Variants in HBS1L observed in about 807,000 individuals in gnomAD.
HBS1L encodes the protein HBS1 like translational GTPase.
HBS1L carries 55 observed loss-of-function variants against 88.9 expected under a neutral mutation model. The observed-to-expected ratio is 0.62, with a 90% confidence interval of 0.50 to 0.77. The LOEUF (loss-of-function observed/expected upper bound fraction) is 0.77. Among genes scored for constraint, HBS1L ranks in the 30% least tolerant of loss-of-function variants. The pLI, the probability that HBS1L is intolerant of heterozygous loss-of-function variation, is 0.00. For missense variants in HBS1L, 741 were observed against 829.3 expected, an observed-to-expected ratio of 0.89 and a Z score of 1.31; for synonymous variants, 267 against 288.5, an observed-to-expected ratio of 0.93 and a Z score of 0.76.
At chr6:134,998,746 C>T (rs138025299) in intron 5 of HBS1L, among the ~76,000 whole-genome samples, 8 of 152,298 alleles carry the variant, frequency 5.3e-5, no homozygotes, top group African/African-American at 1.7e-4. Context: ...CTTCACAATA[C>T]GCCTCAGGAA....
rs964802131 is a variant in HBS1L, at chr6:134,961,620, A to G, written c.*3659T>C. 2 of 152,194 alleles carry G rather than the reference A, an allele frequency of 1.3e-5. No individual in the cohort carries two copies. The highest frequency in any genetic ancestry group is 4.8e-5 in the African/African-American group (2 of 41,442). The allele number at this position is 152,194 out of a possible 1,614,324, so 9.4% of individuals were successfully genotyped here. A position where few individuals can be genotyped will look rare whatever the true frequency, so the allele number is the denominator to read the frequency against. On this transcript the variant is annotated 3_prime_UTR_variant, in exon 18 of 18. Coordinates refer to ENST00000367837, the MANE Select transcript of HBS1L (RefSeq NM_006620.4). ...CTTTCCTCCCACCCACAACATAAAA[A>G]TTAAGATACCCAGTTGCAAAATCAC...
At position 135,054,765 on chromosome 6, in the gene HBS1L, C is replaced by T; in HGVS notation, c.-74G>A. On this transcript the variant is annotated 5_prime_UTR_variant, in exon 1 of 18. An upstream open reading frame in the 5' UTR gains an earlier in-frame stop. Coordinates refer to ENST00000367837, the MANE Select transcript of HBS1L (RefSeq NM_006620.4). ...CTCCGCTTAGATACTGATAAGGCGC[C>T]AACTGCAGCCTGGAGAACCCCTATG... The T allele has an allele frequency of 1.3e-6, 2 of 1,565,624 alleles. No individual in the cohort carries two copies. The highest frequency in any genetic ancestry group is 1.8e-6 in the Non-Finnish European group (2 of 1,142,206).
chr6:135,054,062 C>T (rs535526631), intron 1 of HBS1L, among the ~76,000 whole-genome samples: 1 of 152,320 alleles, frequency 6.6e-6, no homozygotes, highest in South Asian at 2.1e-4. Flanking sequence ...TCGACTCATT[C>T]TTTGGGCCTT....
At chr6:134,971,004 C>T (rs1429182195) in intron 15 of HBS1L, among the ~76,000 whole-genome samples, 1 of 151,936 alleles carries the variant, frequency 6.6e-6, no homozygotes, top group Non-Finnish European at 1.5e-5. Flanking sequence ...CTGGAATTTC[C>T]TAGCCAAAAT....
In HBS1L at chr6:134,961,994, T is replaced by C. The variant is rs983646384; in HGVS notation, c.*3285A>G. 2 of 152,140 alleles carry C rather than the reference T, an allele frequency of 1.3e-5. No individual in the cohort carries two copies. The highest frequency in any genetic ancestry group is 4.8e-5 in the African/African-American group (2 of 41,438). 9.4% of individuals were successfully genotyped at this position (152,140 alleles called of 1,614,324 possible). On this transcript the variant is annotated 3_prime_UTR_variant, in exon 18 of 18. Transcript: ENST00000367837. ...CTCTTTATGATACCCTGTCCCCTGG[T>C]TGGACTATCAGCCCTATTAAGACTC...
chr6:135,014,481 A>C lies in HBS1L; in HGVS notation c.431-11639T>G, dbSNP rs1775861331. Among the ~76,000 whole-genome samples, 7 of 152,334 alleles carry C rather than the reference A, an allele frequency of 4.6e-5. No individual in the cohort carries two copies. In the South Asian group the frequency reaches 1.4e-3, roughly 32 times the overall value. ...CAGTACGATAAGATGAAACGAAAAA[A>C]AGAGACAGAGAAATTAAGATAAGTT... On this transcript the variant is annotated intron_variant, in intron 4 of 17. Coordinates refer to ENST00000367837, the MANE Select transcript of HBS1L (RefSeq NM_006620.4).
chr6:134,960,418 T>C lies in HBS1L; in HGVS notation c.*4861A>G, dbSNP rs547713669. On this transcript the variant is annotated 3_prime_UTR_variant, in exon 18 of 18. Transcript: ENST00000367837. ...CTATTTAAGTCCTCTATGACCTTGTTTGTTTACATGATCTATAAGGCAGAG... is the reference window on the plus strand; with the variant it reads ...CTATTTAAGTCCTCTATGACCTTGTCTGTTTACATGATCTATAAGGCAGAG... 13 of 152,314 alleles carry C rather than the reference T, an allele frequency of 8.5e-5. No individual in the cohort carries two copies. Among genetic ancestry groups the C allele is most frequent in the Admixed American group, 1.3e-4 (2 of 15,306 alleles). 9.4% of individuals were successfully genotyped at this position (152,314 alleles called of 1,614,324 possible).
chr6:135,035,509 G>GGCGGGC (rs1376929892), intron 4 of HBS1L, among the ~76,000 whole-genome samples: 4 of 151,138 alleles, frequency 2.6e-5, no homozygotes, highest in African/African-American at 9.7e-5. Context: ...GGGAGGCCAA[G>GGCGGGC]GCGGGCGGAT....
At chr6:135,037,658 CAT>C in intron 4 of HBS1L, 11 of 1,550,062 alleles carry the variant, frequency 7.1e-6, no homozygotes, top group Non-Finnish European at 9.6e-6. Flanking sequence ...CATTCAGATG[CAT>C]GAGGTCTCAA....
At chr6:134,997,990 T>C (rs796070299) in intron 5 of HBS1L, among the ~76,000 whole-genome samples, 5 of 152,354 alleles carry the variant, frequency 3.3e-5, no homozygotes, top group African/African-American at 9.6e-5. Context: ...GGAGATATTT[T>C]GTAAAATTGG....
chr6:135,051,291 A>AT (rs1777076412), intron 1 of HBS1L, among the ~76,000 whole-genome samples: 1 of 152,220 alleles, frequency 6.6e-6, no homozygotes. Flanking sequence ...AAAATCTGAA[A>AT]TAAACCATTT....
At chr6:134,972,623 C>A (rs1328155766) in intron 15 of HBS1L, among the ~76,000 whole-genome samples, 2 of 151,988 alleles carry the variant, frequency 1.3e-5, no homozygotes, top group African/African-American at 4.8e-5. Flanking sequence ...AACTTTTGTG[C>A]AACAAAGGAC....
chr6:134,973,284 T>C (rs562735979), intron 15 of HBS1L, among the ~76,000 whole-genome samples: 37 of 152,340 alleles, frequency 2.4e-4, no homozygotes, highest in Middle Eastern at 6.8e-3. Context: ...GAAATTCTGA[T>C]GCATATTACA....
At chr6:135,036,213 G>T in intron 4 of HBS1L, 1 of 943,434 alleles carries the variant, frequency 1.1e-6, no homozygotes, top group Non-Finnish European at 1.3e-6. Context: ...TAAGAACAAA[G>T]CACAAAAATA....
chr6:134,990,290 G>A (rs1775095141), intron 8 of HBS1L, among the ~76,000 whole-genome samples: 1 of 152,168 alleles, frequency 6.6e-6, no homozygotes, highest in South Asian at 2.1e-4. Context: ...TGATGATCAA[G>A]CAGAATAAAG....
At position 135,039,677 on chromosome 6, in the gene HBS1L, T is replaced by C; in HGVS notation, c.326A>G (p.Lys109Arg). The change falls in exon 4 of 18, where the codon AAG becomes AGG. Residue 109 changes from lysine (K) to arginine (R), a missense_variant. Lys to Arg is a conservative substitution (Grantham distance 26, BLOSUM62 2). Coordinates refer to ENST00000367837, the MANE Select transcript of HBS1L (RefSeq NM_006620.4). ...TGACAAAGCCTTCTGCACATCAAAC[T>C]TGTTCTTCAGAACTGCTTCAATTAA... ...EILIEAVLKN[K>R]FDVQKALSGV... 6.2e-7 allele frequency: 1 copy of C among 1,614,118 alleles called. No individual in the cohort carries two copies. Among genetic ancestry groups the C allele is most frequent in the African/African-American group, 1.3e-5 (1 of 75,060 alleles).
At chr6:135,039,132 G>A (rs1308134507) in intron 4 of HBS1L, among the ~76,000 whole-genome samples, 2 of 151,872 alleles carry the variant, frequency 1.3e-5, no homozygotes, top group Admixed American at 6.6e-5. Context: ...GACCAACATG[G>A]TGAAACCCCA....
intron 13 of HBS1L, 176 bp downstream of exon 13, chr6:134,982,282 G>GA (rs575777117): frequency 3.5e-6 from 2 of 567,824 alleles, no homozygotes; most frequent in Non-Finnish European, 3.2e-6. Flanking sequence ...AATCACAACA[G>GA]AAAAAAATCG....
intron 4 of HBS1L, among the ~76,000 whole-genome samples, chr6:135,015,262 C>A (rs1583114336): frequency 6.6e-6 from 1 of 152,136 alleles, no homozygotes; most frequent in African/African-American, 2.4e-5. Flanking sequence ...CTCATAGAAT[C>A]CTTACATAGA....
Sources: allele counts gnomAD v4.1 joint callset (sites outside exome capture counted in the v4.1 genomes callset), GRCh38; gene constraint gnomAD v4.1.1; transcripts MANE v1.5; gene names NCBI Gene and HGNC (gene_info 2026-07-23, HGNC 2026-07-21).